The following GJB7 variants were observed in gnomAD, a reference collection of about 807,000 sequenced individuals.
GJB7 encodes gap junction protein beta 7, also known as gap junction beta-7 protein.
For synonymous variants in GJB7, 87 were observed against 95.2 expected (o/e 0.91, Z 0.50); for missense variants, 253 against 256.8 (o/e 0.99, Z 0.10).
chr6:87,304,739 C>T (rs1776394723), intron 2 of GJB7, among the ~76,000 whole-genome samples: 1 of 152,190 alleles, frequency 6.6e-6, no homozygotes, highest in African/African-American at 2.4e-5. Flanking sequence ...GAATTTTAGA[C>T]CAATATCCCT....
intron 2 of GJB7, among the ~76,000 whole-genome samples, chr6:87,311,981 A>G (rs1000784501): frequency 2.6e-5 from 4 of 152,148 alleles, no homozygotes; most frequent in Admixed American, 2.0e-4. Flanking sequence ...CTAAAACTAA[A>G]AAAGAACTAG....
intron 2 of GJB7, chr6:87,298,687 T>G (rs371804841): frequency 5.5e-6 from 1 of 180,424 alleles, no homozygotes; most frequent in South Asian, 1.3e-4. Context: ...AGCCATTTAA[T>G]CAAAACCATG....
intron 2 of GJB7, among the ~76,000 whole-genome samples, chr6:87,297,372 C>T (rs751560512): frequency 2.6e-5 from 4 of 152,118 alleles, no homozygotes; most frequent in African/African-American, 4.8e-5. Flanking sequence ...CCAGTGATAC[C>T]CAGCATCAAA....
chr6:87,326,900 T>C (rs9717422), intron 1 of GJB7, among the ~76,000 whole-genome samples: 34,789 of 78,854 alleles, frequency 0.44, 8,288 homozygotes, highest in Middle Eastern at 0.5. Flanking sequence ...TTGTGGGAGT[T>C]TAAGTCTCTT....
At chr6:87,294,368 G>T (rs1310678499) in intron 2 of GJB7, among the ~76,000 whole-genome samples, 8 of 152,216 alleles carry the variant, frequency 5.3e-5, no homozygotes, top group African/African-American at 1.9e-4. Context: ...AAGGGTGGAG[G>T]CTGCAGGAAA....
intron 2 of GJB7, among the ~76,000 whole-genome samples, chr6:87,303,367 G>T (rs893681715): frequency 3.3e-5 from 5 of 151,896 alleles, no homozygotes; most frequent in African/African-American, 1.2e-4. Flanking sequence ...AAAAAGAAGG[G>T]GTTACAATCC....
At chr6:87,318,214 C>A (rs1242289794) in intron 2 of GJB7, among the ~76,000 whole-genome samples, 1 of 151,406 alleles carries the variant, frequency 6.6e-6, no homozygotes, top group East Asian at 1.9e-4. Context: ...GACAGCTATA[C>A]AGTTTTCAAA....
chr6:87,288,139 G>A (rs936029198), intron 2 of GJB7, among the ~76,000 whole-genome samples: 5 of 151,980 alleles, frequency 3.3e-5, no homozygotes, highest in South Asian at 2.1e-4. Context: ...CTGACCTTGC[G>A]ATCCGCCCAC....
intron 2 of GJB7, among the ~76,000 whole-genome samples, chr6:87,287,444 T>G (rs906661236): frequency 2.0e-5 from 3 of 152,112 alleles, no homozygotes; most frequent in African/African-American, 7.2e-5. Flanking sequence ...TCCAGAGCCC[T>G]GAGAAGGCAA....
At chr6:87,306,134 A>G (rs1253889036) in intron 2 of GJB7, among the ~76,000 whole-genome samples, 11 of 152,048 alleles carry the variant, frequency 7.2e-5, no homozygotes, top group Admixed American at 6.6e-4. Flanking sequence ...CTTCATGTCT[A>G]AAACACCAAA....
At chr6:87,293,094 C>T (rs903329287) in intron 2 of GJB7, among the ~76,000 whole-genome samples, 3 of 152,184 alleles carry the variant, frequency 2.0e-5, no homozygotes, top group Non-Finnish European at 4.4e-5. Flanking sequence ...TGCAGTGGCG[C>T]GATCTTGGCT....
At chr6:87,317,676 C>T (rs900892390) in intron 2 of GJB7, among the ~76,000 whole-genome samples, 1 of 152,088 alleles carries the variant, frequency 6.6e-6, no homozygotes, top group Non-Finnish European at 1.5e-5. Context: ...GGTGATCTGC[C>T]CGCCTCAGCC....
At chr6:87,328,290 C>G (rs12190280) in intron 1 of GJB7, among the ~76,000 whole-genome samples, 13 of 152,086 alleles carry the variant, frequency 8.5e-5, no homozygotes, top group Non-Finnish European at 1.2e-4. Flanking sequence ...TTCCGTTGCT[C>G]GTGAGGAACT....
chr6:87,317,570 C>T (rs960324572), intron 2 of GJB7, among the ~76,000 whole-genome samples: 15 of 152,158 alleles, frequency 9.9e-5, no homozygotes, highest in Admixed American at 2.0e-4. Context: ...GCTGGGATTA[C>T]GGGCACGCGC....
rs138631215 is a variant in GJB7, at chr6:87,326,377, C to A, written c.-206+2761G>T. ...TGATGTTAGGGTGTCAATTTTGGAT[C>A]TTTCCTGCTTTATCTTGTGGGCATT... is the stretch of plus-strand genomic sequence containing the variant. On this transcript the variant is annotated intron_variant, in intron 1 of 2. Transcript: ENST00000525899. 3.6e-3 allele frequency among the ~76,000 whole-genome samples: 554 copies of A among 152,228 alleles called. 2 individuals are homozygous for A. Among genetic ancestry groups the A allele is most frequent in the African/African-American group, 0.013 (533 of 41,528 alleles).
intron 2 of GJB7, among the ~76,000 whole-genome samples, chr6:87,305,893 C>T (rs906515913): frequency 6.6e-6 from 1 of 152,192 alleles, no homozygotes; most frequent in Non-Finnish European, 1.5e-5. Context: ...ACCATCTGAT[C>T]TTTGACAAAT....
chr6:87,318,790 G>T (rs1223039071), intron 2 of GJB7, among the ~76,000 whole-genome samples: 1 of 152,126 alleles, frequency 6.6e-6, no homozygotes, highest in Non-Finnish European at 1.5e-5. Flanking sequence ...TCATTCAAGG[G>T]AGTCAGATAT....
chr6:87,314,129 G>A (rs1776549088), intron 2 of GJB7, among the ~76,000 whole-genome samples: 1 of 152,220 alleles, frequency 6.6e-6, no homozygotes, highest in South Asian at 2.1e-4. Flanking sequence ...GCACTGTATG[G>A]TAAGCAGCAA....
chr6:87,315,163 T>C (rs1022294621), intron 2 of GJB7, among the ~76,000 whole-genome samples: 1 of 152,130 alleles, frequency 6.6e-6, no homozygotes, highest in Non-Finnish European at 1.5e-5. Flanking sequence ...TTCAGGAGCA[T>C]ATTCCCCGCC....
Sources: allele counts gnomAD v4.1 joint callset (sites outside exome capture counted in the v4.1 genomes callset), GRCh38; gene constraint gnomAD v4.1.1; transcripts MANE v1.5; gene names NCBI Gene and HGNC (gene_info 2026-07-23, HGNC 2026-07-21).